The following CD8B2 variants were observed in gnomAD, a reference collection of about 807,000 sequenced individuals.
The protein encoded by CD8B2 is T-cell surface glycoprotein CD8 beta-2 chain.
In CD8B2, 11 loss-of-function variants were observed where a neutral mutation model predicts 23.7. The ratio of observed to expected loss-of-function variants is 0.46; its 90% CI spans 0.29 to 0.77. The LOEUF (loss-of-function observed/expected upper bound fraction) is 0.77. Among genes scored for constraint, CD8B2 ranks in the 30% least tolerant of loss-of-function variants. CD8B2 has a pLI of 0.09. For synonymous variants in CD8B2, 90 were observed against 109.3 expected (o/e 0.82, Z 1.10); for missense variants, 197 against 270.5 (o/e 0.73, Z 1.91).
At chr2:106,520,329 C>A (rs2104568036) in intron 5 of CD8B2, among the ~76,000 whole-genome samples, 1 of 152,302 alleles carries the variant, frequency 6.6e-6, no homozygotes, top group Non-Finnish European at 1.5e-5. Context: ...GTGCTGTGAA[C>A]CACAGATTCC....
chr2:106,519,237 C>T (rs1046448170), intron 5 of CD8B2, among the ~76,000 whole-genome samples: 1 of 152,230 alleles, frequency 6.6e-6, no homozygotes. Flanking sequence ...TGAATAGCCT[C>T]CAGCATGGTG....
At chr2:106,542,222 C>T (rs986648549) in intron 5 of CD8B2, among the ~76,000 whole-genome samples, 5 of 152,250 alleles carry the variant, frequency 3.3e-5, no homozygotes, top group Non-Finnish European at 7.3e-5. Context: ...GCATTTTGCG[C>T]ATCCCTCTGA....
intron 5 of CD8B2, among the ~76,000 whole-genome samples, chr2:106,521,025 A>G (rs1367989793): frequency 6.1e-5 from 5 of 82,512 alleles, no homozygotes; most frequent in African/African-American, 2.7e-4. Flanking sequence ...GTTTTAAGGG[A>G]GAGAGAGAGA....
At chr2:106,519,974 G>A (rs1194185646) in intron 5 of CD8B2, among the ~76,000 whole-genome samples, 1 of 152,062 alleles carries the variant, frequency 6.6e-6, no homozygotes, top group East Asian at 1.9e-4. Context: ...TAGCCAGCGG[G>A]GACATCCATC....
At chr2:106,495,317 T>A (rs1312138400) in intron 2 of CD8B2, among the ~76,000 whole-genome samples, 1 of 151,942 alleles carries the variant, frequency 6.6e-6, no homozygotes, top group Non-Finnish European at 1.5e-5. Context: ...GGATTGGAGT[T>A]CAAGACCAGC....
intron 4 of CD8B2, 136 bp from the exon 5 acceptor site, chr2:106,504,153 T>A: frequency 9.7e-7 from 1 of 1,035,646 alleles, no homozygotes; most frequent in Non-Finnish European, 1.4e-6. Context: ...ATGTGTAAAG[T>A]GTTTGGGCCA....
rs1372070428 is a variant in CD8B2, at chr2:106,509,552, G to C, written c.*2612G>C. ...TGCAATTGCATGTACTTGTTCACAA[G>C]TTCTCATGGGGTTGGGCTGGGGGCA... is the stretch of plus-strand genomic sequence containing the variant. On this transcript the variant is annotated 3_prime_UTR_variant, in exon 6 of 6. Transcript: ENST00000643224. 6.6e-6 allele frequency: 1 copy of C among 152,068 alleles called. No homozygotes were observed. Among genetic ancestry groups the C allele is most frequent in the African/African-American group, 2.4e-5 (1 of 41,372 alleles). 9.4% of individuals were successfully genotyped at this position (152,068 alleles called of 1,614,324 possible).
At chr2:106,489,889 G>C (rs1179850059) in intron 1 of CD8B2, among the ~76,000 whole-genome samples, 1 of 152,118 alleles carries the variant, frequency 6.6e-6, no homozygotes, top group Non-Finnish European at 1.5e-5. Flanking sequence ...CTCACAGCTG[G>C]CACGGCCAGA....
At chr2:106,494,403 C>T (rs1311969707) in intron 2 of CD8B2, among the ~76,000 whole-genome samples, 3 of 152,266 alleles carry the variant, frequency 2.0e-5, no homozygotes, top group Admixed American at 6.5e-5. Context: ...CTGCCTCGGC[C>T]TCCCAAAGTG....
At chr2:106,503,389 C>G (rs1679450181) in intron 4 of CD8B2, among the ~76,000 whole-genome samples, 1 of 151,954 alleles carries the variant, frequency 6.6e-6, no homozygotes, top group Non-Finnish European at 1.5e-5. Context: ...CAGAAATGCA[C>G]CCAGGAGCAT....
At chr2:106,511,787 G>A (rs561005223), downstream of CD8B2, among the ~76,000 whole-genome samples, 82 of 152,292 alleles carry the variant, frequency 5.4e-4, no homozygotes, top group Middle Eastern at 0.01. Context: ...CCGGGGAACC[G>A]TGAGTCACTG....
In CD8B2 at chr2:106,507,694, C is replaced by G; in HGVS notation, c.*754C>G. On this transcript the variant is annotated 3_prime_UTR_variant, in exon 6 of 6. Transcript: ENST00000643224. ...GTCCTGTGACATAAACGTACGAAAG[C>G]CCATCTACAGCAAAGACATCAGTGC... The G allele has an allele frequency of 1.1e-6, 1 of 925,090 alleles. No homozygotes were observed. The highest frequency in any genetic ancestry group is 1.3e-6 in the Non-Finnish European group (1 of 775,114). The allele number at this position is 925,090 out of a possible 1,614,324, so 57.3% of individuals were successfully genotyped here.
chr2:106,519,099 G>A (rs936598085), intron 5 of CD8B2, among the ~76,000 whole-genome samples: 1 of 151,366 alleles, frequency 6.6e-6, no homozygotes, highest in Non-Finnish European at 1.5e-5. Context: ...TCTTCTATAG[G>A]CCTCATCAAG....
At chr2:106,530,837 T>C (rs1400328502) in intron 5 of CD8B2, among the ~76,000 whole-genome samples, 1 of 152,164 alleles carries the variant, frequency 6.6e-6, no homozygotes, top group East Asian at 1.9e-4. Context: ...GAGAGTGACC[T>C]CTGGTCATCC....
intron 5 of CD8B2, among the ~76,000 whole-genome samples, chr2:106,525,093 G>A (rs1382635174): frequency 6.6e-6 from 1 of 152,104 alleles, no homozygotes; most frequent in Admixed American, 6.5e-5. Context: ...GTTTTTCTTT[G>A]CCCTCTGGCT....
chr2:106,536,329 G>A (rs1680088887), intron 5 of CD8B2, among the ~76,000 whole-genome samples: 1 of 152,088 alleles, frequency 6.6e-6, no homozygotes, highest in African/African-American at 2.4e-5. Context: ...ACTGCGCCTG[G>A]CCACCACACA....
intron 5 of CD8B2, among the ~76,000 whole-genome samples, chr2:106,529,290 G>T (rs1427608979): frequency 6.6e-6 from 1 of 152,220 alleles, no homozygotes; most frequent in Non-Finnish European, 1.5e-5. Flanking sequence ...TGGCTCTCCA[G>T]CCTGGATGGG....
intron 5 of CD8B2, among the ~76,000 whole-genome samples, 157 bp downstream of exon 5, chr2:106,504,482 G>A (rs1679468515): frequency 6.6e-6 from 1 of 152,092 alleles, no homozygotes; most frequent in Admixed American, 6.5e-5. Flanking sequence ...AGCTACTCGG[G>A]AGCTGAAGCA....
Position 106,534,399 on chromosome 2 carries a change from CCAA to C in CD8B2, c.621-9578_621-9576del, listed in dbSNP as rs560596708. Among the ~76,000 whole-genome samples the C allele has an allele frequency of 9.2e-5, 14 of 152,120 alleles. No homozygotes were observed. The South Asian group carries it at 2.3e-3, about 25-fold the overall frequency. On this transcript the variant is annotated intron_variant, in intron 5 of 5. Coordinates refer to the CD8B2 transcript ENST00000416057. ...CCCTCTGAAAGAAAAAGATCCGATG[CCAA>C]CAACAACAACAACACAACAACAACA...
Sources: gnomAD v4.1 joint callset for allele counts (sites outside exome capture counted in the v4.1 genomes callset) on GRCh38, gnomAD v4.1.1 for gene constraint, MANE v1.5 for transcripts, NCBI Gene and HGNC (gene_info 2026-07-23, HGNC 2026-07-21) for gene names.